The following KCNJ12 variants were observed in gnomAD, a reference collection of about 807,000 sequenced individuals.
The protein encoded by KCNJ12 is ATP-sensitive inward rectifier potassium channel 12.
In KCNJ12, 2 loss-of-function variants were observed where a neutral mutation model predicts 22.3. That is an observed-to-expected ratio of 0.09 (90% CI 0.04 to 0.28). The LOEUF is 0.28. Ranked by LOEUF, KCNJ12 falls within the 10% of genes least tolerant of loss-of-function variation. The pLI is 1.00. For synonymous variants in KCNJ12, 117 were observed against 261.4 expected (o/e 0.45, Z 5.33); for missense variants, 155 against 633.3 (o/e 0.24, Z 8.11).
rs536266327 is a variant in KCNJ12, at chr17:21,382,560, A to G, written c.-179+5647A>G. On this transcript the variant is annotated intron_variant, in intron 1 of 2. Coordinates refer to ENST00000583088, the MANE Select transcript of KCNJ12 (RefSeq NM_021012.5). ...AAATGTTTATGATTTGCAATGATCAACTCCAGCGGCTTTAGTGGCCAGCAG... is the reference window on the plus strand; with the variant it reads ...AAATGTTTATGATTTGCAATGATCAGCTCCAGCGGCTTTAGTGGCCAGCAG... Among the ~76,000 whole-genome samples, 4 of 152,096 alleles carry G rather than the reference A, an allele frequency of 2.6e-5. No homozygotes were observed. The South Asian group carries it at 8.3e-4, about 32-fold the overall frequency.
chr17:21,414,690 G>A (rs1906586900), intron 2 of KCNJ12, among the ~76,000 whole-genome samples: 1 of 152,310 alleles, frequency 6.6e-6, no homozygotes, highest in Non-Finnish European at 1.5e-5. Context: ...AGGTGGCGAG[G>A]CAGTGGCAGG....
chr17:21,392,582 G>A (rs782330873), intron 1 of KCNJ12, among the ~76,000 whole-genome samples: 9 of 152,276 alleles, frequency 5.9e-5, no homozygotes, highest in Admixed American at 1.3e-4. Context: ...CCTTGGAGGG[G>A]CTCCAAGCCA....
At chr17:21,379,872 T>A (rs1904806184) in intron 1 of KCNJ12, among the ~76,000 whole-genome samples, 1 of 152,118 alleles carries the variant, frequency 6.6e-6, no homozygotes, top group African/African-American at 2.4e-5. Flanking sequence ...CGCTGGGCAC[T>A]GGCCAAGGAC....
At chr17:21,403,598 G>A (rs1259951910) in intron 1 of KCNJ12, among the ~76,000 whole-genome samples, 6 of 152,356 alleles carry the variant, frequency 3.9e-5, no homozygotes, top group South Asian at 2.1e-4. Flanking sequence ...TGTGCCTCCC[G>A]CTGGGGTTCC....
chr17:21,409,958 A>G (rs1478490947), intron 2 of KCNJ12, among the ~76,000 whole-genome samples: 2 of 152,138 alleles, frequency 1.3e-5, no homozygotes, highest in African/African-American at 4.8e-5. Context: ...TTGGCCTGGA[A>G]AGGGGATTGG....
intron 1 of KCNJ12, among the ~76,000 whole-genome samples, chr17:21,407,720 C>T (rs1481481688): frequency 1.4e-4 from 22 of 152,206 alleles, no homozygotes; most frequent in South Asian, 1.3e-3. Flanking sequence ...CACACTTATC[C>T]ATCCATCTAT....
intron 1 of KCNJ12, among the ~76,000 whole-genome samples, chr17:21,382,302 C>T (rs200733071): frequency 6.6e-5 from 10 of 152,164 alleles, no homozygotes; most frequent in Non-Finnish European, 1.0e-4. Context: ...AGGCCTGGGG[C>T]GTGGGGCCTC....
At chr17:21,377,217 G>GC (rs1555557376) in intron 1 of KCNJ12, among the ~76,000 whole-genome samples, 1 of 152,116 alleles carries the variant, frequency 6.6e-6, no homozygotes, top group Admixed American at 6.5e-5. Context: ...GGAGCCCTCG[G>GC]CCCCCCTCTG....
chr17:21,386,404 T>G lies in KCNJ12; in HGVS notation c.-179+9491T>G, dbSNP rs563589491. ...ACCATGGCTCACTGCAACCTGGAAC[T>G]CACAGGCTCAAGTGATCCTCCTGCC... is the stretch of plus-strand genomic sequence containing the variant. On this transcript the variant is annotated intron_variant, in intron 1 of 2. Transcript: ENST00000583088. 2.6e-5 allele frequency among the ~76,000 whole-genome samples: 4 copies of G among 152,356 alleles called. No homozygotes were observed. The East Asian group carries it at 7.7e-4, about 29-fold the overall frequency.
intron 1 of KCNJ12, among the ~76,000 whole-genome samples, chr17:21,391,456 G>C (rs1555559301): frequency 6.6e-6 from 1 of 152,186 alleles, no homozygotes; most frequent in African/African-American, 2.4e-5. Context: ...AGACTGTCCT[G>C]CTGCTCCCCA....
At chr17:21,395,880 G>T (rs1273025460) in intron 1 of KCNJ12, among the ~76,000 whole-genome samples, 1 of 152,218 alleles carries the variant, frequency 6.6e-6, no homozygotes, top group Non-Finnish European at 1.5e-5. Flanking sequence ...CAGAGGAGTG[G>T]CTGGAGCCCC....
intron 1 of KCNJ12, among the ~76,000 whole-genome samples, chr17:21,382,426 G>C (rs552541678): frequency 4.6e-5 from 7 of 152,258 alleles, no homozygotes; most frequent in Non-Finnish European, 2.9e-5. Flanking sequence ...TTCTTGCCCA[G>C]TTAAGCATTC....
intron 1 of KCNJ12, among the ~76,000 whole-genome samples, chr17:21,395,314 A>C (rs1291213639): frequency 7.2e-6 from 1 of 139,670 alleles, no homozygotes; most frequent in Non-Finnish European, 1.5e-5. Flanking sequence ...AAAAAAAAAA[A>C]CGGCGCACAG....
At chr17:21,403,095 A>G (rs1189000632) in intron 1 of KCNJ12, among the ~76,000 whole-genome samples, 1 of 152,310 alleles carries the variant, frequency 6.6e-6, no homozygotes, top group Non-Finnish European at 1.5e-5. Flanking sequence ...GACTTGGGGA[A>G]ATCATGGAAG....
At chr17:21,412,627 A>G (rs1555561820) in intron 2 of KCNJ12, among the ~76,000 whole-genome samples, 2 of 152,416 alleles carry the variant, frequency 1.3e-5, no homozygotes, top group Non-Finnish European at 1.5e-5. Flanking sequence ...GCACAGCCTC[A>G]GGGGTCCCCC....
intron 1 of KCNJ12, among the ~76,000 whole-genome samples, chr17:21,395,371 G>A: frequency 6.6e-6 from 1 of 150,760 alleles, no homozygotes. Context: ...AAAGCAGGTG[G>A]ATCACTCGAG....
intron 1 of KCNJ12, among the ~76,000 whole-genome samples, chr17:21,401,479 G>A (rs1433918202): frequency 9.2e-4 from 140 of 152,370 alleles, no homozygotes; most frequent in Non-Finnish European, 1.5e-3. Context: ...GCAGGGGTCA[G>A]AGAGTGACAG....
chr17:21,414,580 T>C (rs1311055065), intron 2 of KCNJ12, among the ~76,000 whole-genome samples: 1 of 152,298 alleles, frequency 6.6e-6, no homozygotes, highest in Non-Finnish European at 1.5e-5. Context: ...TACGTTATTG[T>C]TATTGCTGCC....
intron 1 of KCNJ12, among the ~76,000 whole-genome samples, chr17:21,394,065 C>T (rs1905273113): frequency 6.6e-6 from 1 of 152,176 alleles, no homozygotes; most frequent in African/African-American, 2.4e-5. Context: ...AAGGCTACCT[C>T]CCTTGGCCTC....
Sources: gnomAD v4.1 joint callset for allele counts (sites outside exome capture counted in the v4.1 genomes callset) on GRCh38, gnomAD v4.1.1 for gene constraint, MANE v1.5 for transcripts, NCBI Gene and HGNC (gene_info 2026-07-23, HGNC 2026-07-21) for gene names.